KHDC1L: variants seen among roughly 807,000 people sequenced by gnomAD.
KHDC1L encodes the protein KH domain containing 1 like, also known as KHDC1-like protein.
Under a neutral mutation model 11.2 loss-of-function variants are expected in KHDC1L, and 5 were observed. The observed-to-expected ratio is 0.45, with a 90% CI of 0.23 to 0.94. The LOEUF is 0.94. Among genes scored for constraint, KHDC1L ranks in the 40% least tolerant of loss-of-function variants. KHDC1L has a pLI of 0.22. For missense variants in KHDC1L, 168 were observed against 165.8 expected (o/e 1.01, Z -0.07); for synonymous variants, 66 against 62.7 (o/e 1.05, Z -0.25).
At chr6:73,224,128 A>G (rs897943823) in intron 2 of KHDC1L, 38 bp downstream of exon 2, 2 of 1,509,754 alleles carry the variant, frequency 1.3e-6, no homozygotes, top group African/African-American at 2.8e-5. Flanking sequence ...CTCCACCATC[A>G]AGCCCTCCAC....
At position 73,225,351 on chromosome 6, in the gene KHDC1L, A is replaced by G; in HGVS notation, c.58T>C (p.Phe20Leu). The G allele has an allele frequency of 6.2e-7, 1 of 1,614,078 alleles. No individual in the cohort carries two copies. Among genetic ancestry groups the G allele is most frequent in the Non-Finnish European group, 8.5e-7 (1 of 1,179,974 alleles). Residue 20 changes from phenylalanine to leucine, a missense_variant, in exon 1 of 3, where the codon TTT becomes CTT. Transcript: ENST00000370388. The part of the protein sequence containing the change: ...KEPWWTLPEN[F>L]HSPMVFHMEE... ...ATGTGGAACACCATTGGAGAATGAA[A>G]GTTTTCGGGCAGGGTCCACCACGGC...
chr6:73,223,625 G>GC lies in KHDC1L; in HGVS notation c.*122dup. 1 of 719,544 alleles carries GC rather than the reference G, an allele frequency of 1.4e-6. No homozygotes were observed. The allele number at this position is 719,544 out of a possible 1,614,324, so 44.6% of individuals were successfully genotyped here. On this transcript the variant is annotated 3_prime_UTR_variant, in exon 3 of 3. Transcript: ENST00000370388. ...CTCAGGAGACTTCCCTCAGACACAT[G>GC]CCTAGAAGGCCTGAGAGGGGCAGGT...
intron 1 of KHDC1L, among the ~76,000 whole-genome samples, chr6:73,225,089 C>CA (rs774109371): frequency 0.21 from 20,059 of 95,588 alleles, 1,942 homozygotes; most frequent in African/African-American, 0.25. Flanking sequence ...TCTCGAGTCT[C>CA]AAAAAAAAAA....
Position 73,224,885 on chromosome 6 carries a change from T to C in KHDC1L, c.112+412A>G, listed in dbSNP as rs529253848. The stretch of plus-strand genomic sequence containing the variant: ...TCAGGAGGTGAGGAAATCGAGACCA[T>C]CCTGGCTAACACGGTGAAACCCCAT... On this transcript the variant is annotated intron_variant, in intron 1 of 2. Transcript: ENST00000370388. 2.1e-3 allele frequency among the ~76,000 whole-genome samples: 301 copies of C among 140,896 alleles called. 4 individuals are homozygous for C. Among genetic ancestry groups the C allele is most frequent in the African/African-American group, 7.7e-3 (290 of 37,726 alleles). The allele number at this position is 140,896 out of a possible 152,430, so 92.4% of individuals were successfully genotyped here. A position where few individuals can be genotyped will look rare whatever the true frequency, so the allele number is the denominator to read the frequency against.
Position 73,225,492 on chromosome 6 carries a change from G to A in KHDC1L, c.-84C>T. On this transcript the variant is annotated 5_prime_UTR_variant, in exon 1 of 3. Transcript: ENST00000370388. ...CTTGGAAAAGCGAGGAAGGGCCTAG[G>A]CTCTGTCCTTAAAAAGGGTTGTCCT... 5 of 967,814 alleles carry A rather than the reference G, an allele frequency of 5.2e-6. No individual in the cohort carries two copies. The highest frequency in any genetic ancestry group is 1.4e-5 in the South Asian group (1 of 69,854). 60.0% of individuals were successfully genotyped at this position (967,814 alleles called of 1,614,324 possible). A position where few individuals can be genotyped will look rare whatever the true frequency, so the allele number is the denominator to read the frequency against.
At chr6:73,225,240 C>CA (rs1038814148) in intron 1 of KHDC1L, 57 bp downstream of exon 1, 166 of 1,503,180 alleles carry the variant, frequency 1.1e-4, no homozygotes, top group South Asian at 1.5e-4. Flanking sequence ...GAATCTGTCT[C>CA]AAAAAAATAA....
chr6:73,225,445 TAACA>T lies in KHDC1L; in HGVS notation c.-41_-38del. On this transcript the variant is annotated 5_prime_UTR_variant, in exon 1 of 3. Coordinates refer to ENST00000370388, the MANE Select transcript of KHDC1L (RefSeq NM_001126063.3). The stretch of plus-strand genomic sequence containing the variant: ...ACCTGATTCAGAATAGGGGAAAGTC[TAACA>T]AACTGGTTGGCAAAAGACTTGGAAA... The T allele has an allele frequency of 1.3e-6, 2 of 1,504,016 alleles. No homozygotes were observed. The highest frequency in any genetic ancestry group is 9.2e-7 in the Non-Finnish European group (1 of 1,081,798). 93.2% of individuals were successfully genotyped at this position (1,504,016 alleles called of 1,614,324 possible). A position where few individuals can be genotyped will look rare whatever the true frequency, so the allele number is the denominator to read the frequency against.
In KHDC1L at chr6:73,223,778, G is replaced by A. The variant is rs1055745; in HGVS notation, c.357C>T (p.Ser119=). The A allele has an allele frequency of 0.016, 26,477 of 1,607,536 alleles. 321 individuals are homozygous for A. Among genetic ancestry groups the A allele is most frequent in the East Asian group, 0.06 (2,669 of 44,712 alleles). Residue 119 remains serine (S), a synonymous_variant, in exon 3 of 3, where the codon TCC becomes TCT. Coordinates refer to ENST00000370388, the MANE Select transcript of KHDC1L (RefSeq NM_001126063.3). ...QPLTNDDLVT[S]VSLPPYTGD ...CTCCGGTGTACGGTGGCAGGCTAAC[G>A]GAGGTGACCAGGTCATCATTGGTCA... is the stretch of plus-strand genomic sequence containing the variant.
rs773817194 is a variant in KHDC1L at position 73,224,306 on chromosome 6, T to C, written c.155A>G (p.His52Arg). 18 of 1,598,586 alleles carry C rather than the reference T, an allele frequency of 1.1e-5. No individual in the cohort carries two copies. Among genetic ancestry groups the C allele is most frequent in the Non-Finnish European group, 1.4e-5 (16 of 1,172,038 alleles). ...ACACCTCTCCAGCTGAATAAGGGTG[T>C]GGCTGTGCAGCTCAATGCAGCGAAG... ...TYLRCIELHS[H>R]TLIQLERCFT... Residue 52 changes from histidine to arginine, a missense_variant, in exon 2 of 3, where the codon CAC becomes CGC. Coordinates refer to ENST00000370388, the MANE Select transcript of KHDC1L (RefSeq NM_001126063.3).
chr6:73,224,824 G>C (rs1490738460), intron 1 of KHDC1L, among the ~76,000 whole-genome samples: 2 of 147,262 alleles, frequency 1.4e-5, no homozygotes, highest in East Asian at 4.1e-4. Context: ...GCTCACACTT[G>C]TATTCCCAGC....
chr6:73,225,397 T>A lies in KHDC1L; in HGVS notation c.12A>T (p.Gly4=). 6.2e-7 allele frequency: 1 copy of A among 1,613,600 alleles called. No homozygotes were observed. The highest frequency in any genetic ancestry group is 8.5e-7 in the Non-Finnish European group (1 of 1,179,570). ...ACGGCTCCTTGCTGAGAGCACTCGT[T>A]CCCACGGCCATGCTGTGCTCCCACC... MAV[G]TSALSKEPWW... is the part of the protein sequence containing the mutation. The change falls in exon 1 of 3, where the codon GGA becomes GGT. Residue 4 remains glycine, a synonymous_variant. Coordinates refer to ENST00000370388, the MANE Select transcript of KHDC1L (RefSeq NM_001126063.3).
At chr6:73,224,631 C>T (rs779900859) in intron 1 of KHDC1L, among the ~76,000 whole-genome samples, 25 of 151,800 alleles carry the variant, frequency 1.6e-4, no homozygotes, top group Non-Finnish European at 2.9e-4. Context: ...AAAAAATTAG[C>T]CGGGCGTGGT....
At chr6:73,224,026 TC>T (rs1181861577) in intron 2 of KHDC1L, 139 bp downstream of exon 2, 20 of 1,124,434 alleles carry the variant, frequency 1.8e-5, no homozygotes, top group South Asian at 6.4e-5. Context: ...AATGAGCCCT[TC>T]CCTTCCCAAT....
At chr6:73,224,451 G>A in intron 1 of KHDC1L, 103 bp from the exon 2 acceptor site, 3 of 970,998 alleles carry the variant, frequency 3.1e-6, no homozygotes, top group African/African-American at 1.6e-5. Context: ...AAGGTGGGAG[G>A]AGAGGGGAAG....
chr6:73,223,896 T>C, intron 2 of KHDC1L, 57 bp from the exon 3 acceptor site: 2 of 1,385,404 alleles, frequency 1.4e-6, no homozygotes, highest in Middle Eastern at 1.8e-4. Flanking sequence ...GGGCCCTTAG[T>C]AGGCCCAGAC....
At chr6:73,224,925 CA>C (rs563429034) in intron 1 of KHDC1L, among the ~76,000 whole-genome samples, 3 of 137,476 alleles carry the variant, frequency 2.2e-5, no homozygotes, top group Non-Finnish European at 3.1e-5. Context: ...ACTAAAAATA[CA>C]AAAAAAATTA....
At chr6:73,225,227 C>T (rs890184418) in intron 1 of KHDC1L, 70 bp downstream of exon 1, 10 of 1,403,780 alleles carry the variant, frequency 7.1e-6, no homozygotes, top group Middle Eastern at 3.7e-4. Context: ...AGATCACGAG[C>T]GAGAATCTGT....
In KHDC1L at chr6:73,223,824, T is replaced by G. The variant is rs1291855090; in HGVS notation, c.311A>C (p.Glu104Ala). The G allele has an allele frequency of 6.9e-6, 11 of 1,597,982 alleles. No homozygotes were observed. The South Asian group carries it at 1.3e-4, about 18-fold the overall frequency. ...GGTCAGGGGCTGGCTTCGGACACGC[T>G]CTAGCATCTTCAGACCTGCAAAAGA... ...KCHARGLKML[E>A]RVRSQPLTND... Residue 104 changes from glutamate to alanine, a missense_variant, in exon 3 of 3, where the codon GAG becomes GCG. Transcript: ENST00000370388.
chr6:73,223,649 G>A lies in KHDC1L; in HGVS notation c.*99C>T, dbSNP rs1284323937. 2.0e-5 allele frequency: 20 copies of A among 977,370 alleles called. No homozygotes were observed. Among genetic ancestry groups the A allele is most frequent in the East Asian group, 1.1e-4 (4 of 37,818 alleles). The allele number at this position is 977,370 out of a possible 1,614,324, so 60.5% of individuals were successfully genotyped here. On this transcript the variant is annotated 3_prime_UTR_variant, in exon 3 of 3. Coordinates refer to ENST00000370388, the MANE Select transcript of KHDC1L (RefSeq NM_001126063.3). ...TGCCTAGAAGGCCTGAGAGGGGCAG[G>A]TCTGGCCACAAATTCAAACTTTCTT...
Sources: gnomAD v4.1 joint callset for allele counts (sites outside exome capture counted in the v4.1 genomes callset) on GRCh38, gnomAD v4.1.1 for gene constraint, MANE v1.5 for transcripts, NCBI Gene and HGNC (gene_info 2026-07-23, HGNC 2026-07-21) for gene names.